NRG3: variants seen among roughly 807,000 people sequenced by gnomAD.
NRG3 encodes neuregulin 3, also known as pro-neuregulin-3, membrane-bound isoform.
NRG3 carries 31 observed loss-of-function variants against 66.9 expected under a neutral mutation model. That is an observed-to-expected ratio of 0.46 (90% CI 0.35 to 0.63). The LOEUF (loss-of-function observed/expected upper bound fraction) is 0.63, where lower values mean the gene tolerates loss of function less well. NRG3 is among the 20% of genes least tolerant of loss of function. The pLI, the probability that NRG3 is intolerant of heterozygous loss-of-function variation, is 0.00. For missense variants in NRG3, 910 were observed against 878.9 expected (o/e 1.04, Z -0.45); for synonymous variants, 393 against 359.4 (o/e 1.09, Z -1.06).
intron 1 of NRG3, among the ~76,000 whole-genome samples, chr10:82,258,894 T>C (rs12246150): frequency 0.093 from 14,083 of 152,194 alleles, 1,565 homozygotes; most frequent in East Asian, 0.25. Flanking sequence ...TTGAGAAAGA[T>C]ACGTATTTAA....
intron 1 of NRG3, among the ~76,000 whole-genome samples, chr10:82,346,762 A>G (rs2083053067): frequency 6.6e-6 from 1 of 151,974 alleles, no homozygotes; most frequent in African/African-American, 2.4e-5. Context: ...TGGTCTATTC[A>G]GAGATTCAAT....
intron 1 of NRG3, among the ~76,000 whole-genome samples, chr10:82,061,988 A>G (rs1319180846): frequency 2.0e-5 from 3 of 152,134 alleles, no homozygotes; most frequent in African/African-American, 7.2e-5. Context: ...GCATGGTGCA[A>G]ATCTATATTG....
At chr10:82,780,360 C>T (rs1489518373) in intron 3 of NRG3, among the ~76,000 whole-genome samples, 1 of 152,106 alleles carries the variant, frequency 6.6e-6, no homozygotes, top group Non-Finnish European at 1.5e-5. Flanking sequence ...GTTCCTATTT[C>T]TCCACATCCT....
At chr10:82,915,492 G>C (rs1349514797) in intron 4 of NRG3, among the ~76,000 whole-genome samples, 1 of 152,104 alleles carries the variant, frequency 6.6e-6, no homozygotes, top group African/African-American at 2.4e-5. Flanking sequence ...AAAACAAAAT[G>C]TGTATCTTTT....
intron 1 of NRG3, among the ~76,000 whole-genome samples, chr10:82,320,070 A>C (rs1456910691): frequency 6.6e-6 from 1 of 152,198 alleles, no homozygotes; most frequent in African/African-American, 2.4e-5. Flanking sequence ...GTCATCTAAT[A>C]GGCAATGTCG....
chr10:82,012,303 A>T (rs1016794821), intron 1 of NRG3, among the ~76,000 whole-genome samples: 11 of 152,090 alleles, frequency 7.2e-5, no homozygotes, highest in African/African-American at 2.7e-4. Context: ...CAGGACACCA[A>T]GTCCCTAGGC....
intron 3 of NRG3, among the ~76,000 whole-genome samples, chr10:82,836,600 A>G (rs889530739): frequency 1.3e-5 from 2 of 152,088 alleles, no homozygotes; most frequent in Non-Finnish European, 2.9e-5. Flanking sequence ...TTTCTATAGC[A>G]TTGACATTTT....
intron 2 of NRG3, among the ~76,000 whole-genome samples, chr10:82,524,455 T>C (rs1322127733): frequency 6.6e-6 from 1 of 152,008 alleles, no homozygotes; most frequent in Admixed American, 6.5e-5. Context: ...GGTATCAAAT[T>C]ATATGCCTAC....
chr10:82,626,799 C>T (rs1014735839), intron 2 of NRG3, among the ~76,000 whole-genome samples: 4 of 152,014 alleles, frequency 2.6e-5, no homozygotes, highest in Non-Finnish European at 4.4e-5. Flanking sequence ...CCCGTACAAA[C>T]CAATTTCTTG....
intron 3 of NRG3, among the ~76,000 whole-genome samples, chr10:82,813,053 C>G (rs139289241): frequency 5.9e-5 from 9 of 152,118 alleles, no homozygotes; most frequent in African/African-American, 1.7e-4. Context: ...AGAAATTTAT[C>G]AGCAGGTATC....
At chr10:81,962,038 G>A (rs1451374572) in intron 1 of NRG3, among the ~76,000 whole-genome samples, 1 of 152,182 alleles carries the variant, frequency 6.6e-6, no homozygotes, top group African/African-American at 2.4e-5. Flanking sequence ...AAAACTCTGT[G>A]TAGGACCAAA....
intron 3 of NRG3, among the ~76,000 whole-genome samples, chr10:82,761,937 T>C (rs2059329520): frequency 7.3e-6 from 1 of 137,306 alleles, no homozygotes; most frequent in Non-Finnish European, 1.6e-5. Context: ...TCTTTCTTTC[T>C]TTCTTTCTTT....
intron 3 of NRG3, among the ~76,000 whole-genome samples, chr10:82,844,958 C>A (rs2135782082): frequency 6.6e-6 from 1 of 152,166 alleles, no homozygotes; most frequent in East Asian, 1.9e-4. Context: ...AGCTTGAGAC[C>A]AGCCTGGTCA....
intron 4 of NRG3, among the ~76,000 whole-genome samples, chr10:82,895,103 A>G (rs1202708455): frequency 2.0e-5 from 3 of 152,130 alleles, no homozygotes; most frequent in African/African-American, 7.2e-5. Context: ...ATAGTATTCC[A>G]CGGTGTATAT....
chr10:82,036,449 G>T (rs895845046), intron 1 of NRG3, among the ~76,000 whole-genome samples: 1 of 152,020 alleles, frequency 6.6e-6, no homozygotes, highest in Non-Finnish European at 1.5e-5. Context: ...AACCAGGCTC[G>T]GGGAGATTAA....
intron 1 of NRG3, among the ~76,000 whole-genome samples, chr10:82,213,069 C>T (rs1211262048): frequency 1.3e-5 from 2 of 148,272 alleles, no homozygotes; most frequent in Admixed American, 1.3e-4. Flanking sequence ...AGCTTCCAAG[C>T]TTAGTGAAGC....
At chr10:82,311,106 GA>G in intron 1 of NRG3, among the ~76,000 whole-genome samples, 1 of 142,158 alleles carries the variant, frequency 7.0e-6, no homozygotes, top group African/African-American at 2.9e-5. Flanking sequence ...ATTACTCTCT[GA>G]GTTGCTCTAA....
At position 82,770,168 on chromosome 10, in the gene NRG3, G is replaced by T. The variant is rs551835384; in HGVS notation, c.1027+31518G>T. On this transcript the variant is annotated intron_variant, in intron 3 of 8. Transcript: ENST00000372141. The stretch of plus-strand genomic sequence containing the variant: ...CATTCTGTTTTTTAAATATGAAAAT[G>T]AAATAGCAGCATGACTATGCATAGT... Among the ~76,000 whole-genome samples, 12 of 152,156 alleles carry T rather than the reference G, an allele frequency of 7.9e-5. No homozygotes were observed. In the South Asian group the frequency reaches 1.5e-3, roughly 18 times the overall value.
At chr10:81,877,386 G>C (rs902295185) in intron 1 of NRG3, among the ~76,000 whole-genome samples, 12 of 152,140 alleles carry the variant, frequency 7.9e-5, no homozygotes, top group Admixed American at 3.9e-4. Context: ...GCAAAAAACT[G>C]TCTGGTTATG....
Sources: allele counts gnomAD v4.1 joint callset (sites outside exome capture counted in the v4.1 genomes callset), GRCh38; gene constraint gnomAD v4.1.1; transcripts MANE v1.5; gene names NCBI Gene and HGNC (gene_info 2026-07-23, HGNC 2026-07-21).